RAP1A: variants seen among roughly 807,000 people sequenced by gnomAD.
RAP1A encodes the protein ras-related protein Rap-1A.
A neutral mutation model predicts 26.4 loss-of-function variants in RAP1A; 6 were observed. That is an observed-to-expected ratio of 0.23 (90% confidence interval 0.12 to 0.45). The LOEUF (loss-of-function observed/expected upper bound fraction) is 0.45. Ranked by LOEUF, RAP1A falls within the 20% of genes least tolerant of loss-of-function variation. The pLI is 0.99. For synonymous variants in RAP1A, 73 were observed against 79.4 expected (o/e 0.92, Z 0.43); for missense variants, 121 against 217.2 (o/e 0.56, Z 2.78).
chr1:111,565,134 A>G (rs1441069615), intron 1 of RAP1A, among the ~76,000 whole-genome samples: 1 of 152,166 alleles, frequency 6.6e-6, no homozygotes, highest in Non-Finnish European at 1.5e-5. Flanking sequence ...CATAATGCAA[A>G]GGCCCTAAGC....
intron 1 of RAP1A, among the ~76,000 whole-genome samples, chr1:111,562,159 C>T (rs1219885343): frequency 6.6e-6 from 1 of 152,112 alleles, no homozygotes; most frequent in Non-Finnish European, 1.5e-5. Context: ...GCAACGTGGA[C>T]AAATCTTAGC....
intron 1 of RAP1A, among the ~76,000 whole-genome samples, chr1:111,671,461 A>G (rs1660971276): frequency 6.6e-6 from 1 of 151,476 alleles, no homozygotes. Context: ...CAAGTATACT[A>G]TTTTCTTTTC....
chr1:111,569,047 T>C (rs970758845), intron 1 of RAP1A, among the ~76,000 whole-genome samples: 7 of 152,178 alleles, frequency 4.6e-5, no homozygotes, highest in African/African-American at 1.7e-4. Context: ...GTTGACTGTG[T>C]TATCAGTAAG....
intron 1 of RAP1A, among the ~76,000 whole-genome samples, chr1:111,643,626 C>T (rs988083683): frequency 2.6e-5 from 4 of 152,140 alleles, no homozygotes; most frequent in African/African-American, 9.7e-5. Context: ...AGATTTTATT[C>T]TTTGGTACAG....
At chr1:111,551,787 T>C (rs540170936) in intron 1 of RAP1A, among the ~76,000 whole-genome samples, 34 of 151,906 alleles carry the variant, frequency 2.2e-4, no homozygotes, top group Middle Eastern at 3.4e-3. Flanking sequence ...ATGGAGTCTT[T>C]ACAGAGGGAT....
chr1:111,560,733 G>A (rs1312999869), intron 1 of RAP1A, among the ~76,000 whole-genome samples: 1 of 152,086 alleles, frequency 6.6e-6, no homozygotes, highest in Admixed American at 6.6e-5. Flanking sequence ...TTCAAGTAAT[G>A]CTCCAGCCGC....
intron 1 of RAP1A, among the ~76,000 whole-genome samples, chr1:111,687,611 ATAATC>A (rs1372943186): frequency 6.6e-6 from 1 of 152,210 alleles, no homozygotes; most frequent in Non-Finnish European, 1.5e-5. Flanking sequence ...TACTTCATAT[ATAATC>A]TAAGGACCTT....
At chr1:111,645,323 A>C (rs1471289765) in intron 1 of RAP1A, among the ~76,000 whole-genome samples, 1 of 152,190 alleles carries the variant, frequency 6.6e-6, no homozygotes, top group Non-Finnish European at 1.5e-5. Flanking sequence ...GGACTTTAGG[A>C]AAAAAGATCA....
chr1:111,560,428 T>A (rs952579737), intron 1 of RAP1A, among the ~76,000 whole-genome samples: 1 of 135,220 alleles, frequency 7.4e-6, no homozygotes, highest in Non-Finnish European at 1.5e-5. Flanking sequence ...GAATAGACTT[T>A]GTGGAACAGA....
At chr1:111,579,966 T>A (rs891811737) in intron 1 of RAP1A, among the ~76,000 whole-genome samples, 5 of 152,084 alleles carry the variant, frequency 3.3e-5, no homozygotes, top group Non-Finnish European at 7.4e-5. Flanking sequence ...GCTAATATTT[T>A]TGTATTTTTA....
At chr1:111,615,342 C>A (rs1658994321), upstream of RAP1A, among the ~76,000 whole-genome samples, 1 of 151,324 alleles carries the variant, frequency 6.6e-6, no homozygotes, top group Non-Finnish European at 1.5e-5. Flanking sequence ...AAGCAGGAGA[C>A]CAAACAGGAG....
chr1:111,698,697 C>T (rs1184674770), intron 4 of RAP1A, among the ~76,000 whole-genome samples: 2 of 152,132 alleles, frequency 1.3e-5, no homozygotes, highest in African/African-American at 4.8e-5. Flanking sequence ...TTTTATACAA[C>T]AATATAGTAC....
At chr1:111,644,063 A>C (rs539731057) in intron 1 of RAP1A, among the ~76,000 whole-genome samples, 1 of 152,356 alleles carries the variant, frequency 6.6e-6, no homozygotes, top group East Asian at 1.9e-4. Context: ...CCTTAAAGTC[A>C]GCTGATTGTG....
intron 1 of RAP1A, among the ~76,000 whole-genome samples, chr1:111,680,214 G>A (rs143805938): frequency 9.6e-4 from 146 of 152,272 alleles, no homozygotes; most frequent in East Asian, 4.8e-3. Flanking sequence ...AAGGTGGCAC[G>A]GACCCAAAGA....
intron 1 of RAP1A, among the ~76,000 whole-genome samples, chr1:111,629,216 G>A (rs1367432384): frequency 6.6e-6 from 1 of 152,122 alleles, no homozygotes; most frequent in East Asian, 1.9e-4. Context: ...GGGAAATTGT[G>A]TGTATGATGT....
chr1:111,681,330 A>C (rs1451393138), intron 1 of RAP1A, among the ~76,000 whole-genome samples: 2 of 152,224 alleles, frequency 1.3e-5, no homozygotes, highest in African/African-American at 2.4e-5. Context: ...ACAAGGGAAC[A>C]AAATTGGATG....
At chr1:111,684,954 A>G (rs897752878) in intron 1 of RAP1A, among the ~76,000 whole-genome samples, 3 of 152,208 alleles carry the variant, frequency 2.0e-5, no homozygotes, top group African/African-American at 7.2e-5. Flanking sequence ...AATGGAACAG[A>G]ACAGAGGCCT....
chr1:111,579,789 CATTT>C (rs71763753), intron 1 of RAP1A, among the ~76,000 whole-genome samples: 77,291 of 147,710 alleles, frequency 0.52, 20,298 homozygotes, highest in Admixed American at 0.55. Flanking sequence ...TGAATATCTC[CATTT>C]ATTTATTTAT....
chr1:111,571,529 C>G (rs562501106), intron 1 of RAP1A, among the ~76,000 whole-genome samples: 1 of 152,328 alleles, frequency 6.6e-6, no homozygotes, highest in South Asian at 2.1e-4. Context: ...ACAAAAGGCA[C>G]TCCTGTCAGT....
Sources: gnomAD v4.1 joint callset for allele counts (sites outside exome capture counted in the v4.1 genomes callset) on GRCh38, gnomAD v4.1.1 for gene constraint, MANE v1.5 for transcripts, NCBI Gene and HGNC (gene_info 2026-07-23, HGNC 2026-07-21) for gene names.